The following UPF2 variants were observed in gnomAD, a reference collection of about 807,000 sequenced individuals.
The protein encoded by UPF2 is UPF2 regulator of nonsense mediated mRNA decay.
A neutral mutation model predicts 141.4 loss-of-function variants in UPF2; 17 were observed. The ratio of observed to expected loss-of-function variants is 0.12; its 90% CI spans 0.08 to 0.18. UPF2 has a LOEUF of 0.18. Ranked by LOEUF, UPF2 falls within the 10% of genes least tolerant of loss-of-function variation. The probability of loss-of-function intolerance (pLI) is 1.00; values close to 1 mark genes in which losing one functional copy is unlikely to be tolerated. For missense variants in UPF2, 1,152 were observed against 1,515.9 expected (o/e 0.76, Z 3.99); for synonymous variants, 540 against 498.0 (o/e 1.08, Z -1.12).
rs1441067263 is a variant in UPF2 at position 12,035,142 on chromosome 10, T to G, written c.282A>C (p.Lys94Asn). ...TTCTCTCTTCCTCTTGATGTTTCTT[T>G]TTTTCTTCCTCTTCTTTTTTCTTTG... ...EESKKKEEEE[K>N]KKHQEEERKK... Residue 94 changes from lysine (K) to asparagine (N), a missense_variant, in exon 2 of 22, where the codon AAA becomes AAC. By Grantham distance (94) the Lys-to-Asn change is moderately conservative. Coordinates refer to ENST00000357604, the MANE Select transcript of UPF2 (RefSeq NM_015542.4). 2 of 1,600,868 alleles carry G rather than the reference T, an allele frequency of 1.2e-6. No individual in the cohort carries two copies. The highest frequency in any genetic ancestry group is 2.3e-5 in the South Asian group (2 of 87,052).
chr10:12,042,647 G>GA lies in UPF2; in HGVS notation c.-19+107dup, dbSNP rs1426764756. 2 of 152,458 alleles carry GA rather than the reference G, an allele frequency of 1.3e-5. No homozygotes were observed. The highest frequency in any genetic ancestry group is 4.8e-5 in the African/African-American group (2 of 41,464). The allele number at this position is 152,458 out of a possible 1,614,324, so 9.4% of individuals were successfully genotyped here. ...GCCGACCCCGGAGAGCTGGAGTGTG[G>GA]AGTCGCCTCTGGGGTCCCCCAGGGA... On this transcript the variant is annotated intron_variant, in intron 1 of 21. Transcript: ENST00000357604. This position sits in a 1 kb window ranked among gnomAD's most constrained non-coding sequence, Gnocchi z 5.5.
Position 11,935,674 on chromosome 10 carries a change from A to G in UPF2, c.3546+871T>C, listed in dbSNP as rs1400484889. Among the ~76,000 whole-genome samples, 1 of 152,160 alleles carries G rather than the reference A, an allele frequency of 6.6e-6. No homozygotes were observed. Among genetic ancestry groups the G allele is most frequent in the Non-Finnish European group, 1.5e-5 (1 of 68,016 alleles). ...ATACCATGTTTCACTATCTGCAAAT[A>G]TGTGCGTTTGTCTCTCTGCTCTCTC... On this transcript the variant is annotated intron_variant, in intron 19 of 21. Transcript: ENST00000357604. This position sits in a 1 kb window ranked among gnomAD's most constrained non-coding sequence, Gnocchi z 4.9.
chr10:11,991,291 G>A (rs1452835440), intron 8 of UPF2, among the ~76,000 whole-genome samples: 2 of 152,116 alleles, frequency 1.3e-5, no homozygotes, highest in Non-Finnish European at 2.9e-5. Context: ...TTTGCAGAAT[G>A]TTGAGTAAGA....
chr10:11,923,976 A>G (rs1452215620), intron 21 of UPF2, among the ~76,000 whole-genome samples: 4 of 152,248 alleles, frequency 2.6e-5, no homozygotes, highest in African/African-American at 4.8e-5. Flanking sequence ...AAGTTTGAGA[A>G]GCATTGAAAT....
intron 19 of UPF2, among the ~76,000 whole-genome samples, chr10:11,934,088 G>C (rs1180625529): frequency 6.6e-6 from 1 of 152,138 alleles, no homozygotes; most frequent in Non-Finnish European, 1.5e-5. Context: ...CGGTGATGGG[G>C]GGAATGGAGG....
At chr10:12,001,640 CAATTAAA>C in intron 6 of UPF2, 29 bp downstream of exon 6, 1 of 1,562,572 alleles carries the variant, frequency 6.4e-7, no homozygotes, top group Non-Finnish European at 8.6e-7. Context: ...GTGTAAAAAC[CAATTAAA>C]AATGAAAGTT....
In UPF2 at chr10:11,948,309, A is replaced by G. The variant is rs1347758782; in HGVS notation, c.3174+60T>C. 1.3e-5 allele frequency: 19 copies of G among 1,483,502 alleles called. No individual in the cohort carries two copies. The East Asian group carries it at 4.0e-4, about 31-fold the overall frequency. 91.9% of individuals were successfully genotyped at this position (1,483,502 alleles called of 1,614,324 possible). Reference sequence around the variant, plus strand: ...TTATGTATTAAAAAAATTTTGGCTCATATAATCAAAATACTCTTATACAAA... The same window carrying G: ...TTATGTATTAAAAAAATTTTGGCTCGTATAATCAAAATACTCTTATACAAA... On this transcript the variant is annotated intron_variant, in intron 16 of 21. Transcript: ENST00000357604.
chr10:11,946,245 C>T (rs1486295197), intron 16 of UPF2, among the ~76,000 whole-genome samples: 1 of 152,064 alleles, frequency 6.6e-6, no homozygotes, highest in Non-Finnish European at 1.5e-5. Context: ...TCCAAATTTC[C>T]AATAAGTTAC....
rs370232096 is a variant in UPF2, at chr10:11,931,826, T to C, written c.3547-44A>G. 133 of 1,562,706 alleles carry C rather than the reference T, an allele frequency of 8.5e-5. No individual in the cohort carries two copies. The African/African-American group carries it at 1.8e-3, about 21-fold the overall frequency. On this transcript the variant is annotated intron_variant, in intron 19 of 21. Coordinates refer to ENST00000357604, the MANE Select transcript of UPF2 (RefSeq NM_015542.4). The surrounding 1 kb of genome is among the most constrained non-coding windows in gnomAD (Gnocchi z 5.9). ...GGAGTTACAAATAGTTTGAGAACAC[T>C]GAGAGAAAGAAAAAACAGACTTCAA...
chr10:12,009,499 T>C (rs1003745308), intron 4 of UPF2, among the ~76,000 whole-genome samples: 2 of 152,210 alleles, frequency 1.3e-5, no homozygotes, highest in East Asian at 3.8e-4. Context: ...TGAAGTACTA[T>C]ATCAGTGACC....
chr10:11,942,789 AG>A (rs1424444078), intron 17 of UPF2, 26 bp from the exon 18 acceptor site: 2 of 1,602,834 alleles, frequency 1.2e-6, no homozygotes, highest in African/African-American at 2.7e-5. Flanking sequence ...CAACAAAATC[AG>A]ACCAGAAATT....
chr10:11,987,828 TC>T (rs1440090442), intron 8 of UPF2, among the ~76,000 whole-genome samples: 23 of 151,256 alleles, frequency 1.5e-4, no homozygotes, highest in Non-Finnish European at 2.7e-4. Context: ...AGATTTTTTT[TC>T]ATCATTATTT....
chr10:12,026,637 TC>T (rs747080583), intron 3 of UPF2: 12 of 450,552 alleles, frequency 2.7e-5, no homozygotes, highest in South Asian at 1.9e-4. Flanking sequence ...CACTGAAAAT[TC>T]CTATAAACTT....
intron 18 of UPF2, among the ~76,000 whole-genome samples, chr10:11,938,436 G>A (rs1318482431): frequency 1.3e-5 from 2 of 152,062 alleles, no homozygotes; most frequent in African/African-American, 2.4e-5. Flanking sequence ...AAGCCCATTC[G>A]ACAGGTTTAC....
Position 11,931,874 on chromosome 10 carries a change from G to C in UPF2, c.3547-92C>G. ...CAAATAAAATAGCAAGTACAGGCTG[G>C]GCACGGTGGCTCACGCCTGTAATCC... is the stretch of plus-strand genomic sequence containing the variant. On this transcript the variant is annotated intron_variant, in intron 19 of 21. Coordinates refer to ENST00000357604, the MANE Select transcript of UPF2 (RefSeq NM_015542.4). This position sits in a 1 kb window ranked among gnomAD's most constrained non-coding sequence, Gnocchi z 5.9. The C allele has an allele frequency of 3.5e-6, 5 of 1,418,848 alleles. No homozygotes were observed. The highest frequency in any genetic ancestry group is 2.8e-6 in the Non-Finnish European group (3 of 1,056,582). The allele number at this position is 1,418,848 out of a possible 1,614,324, so 87.9% of individuals were successfully genotyped here.
intron 8 of UPF2, among the ~76,000 whole-genome samples, chr10:11,981,711 C>T (rs1394461365): frequency 1.3e-5 from 2 of 151,968 alleles, no homozygotes; most frequent in Admixed American, 6.6e-5. Context: ...GACGGAGTCT[C>T]GCTCTGTCGC....
intron 15 of UPF2, among the ~76,000 whole-genome samples, chr10:11,950,779 G>T (rs1833063301): frequency 6.6e-6 from 1 of 152,170 alleles, no homozygotes; most frequent in South Asian, 2.1e-4. Context: ...ATTTCAAAAG[G>T]AAAAGAAAGT....
Position 12,035,178 on chromosome 10 carries a change from T to C in UPF2, c.246A>G (p.Ala82=). 1.2e-6 allele frequency: 2 copies of C among 1,612,190 alleles called. No individual in the cohort carries two copies. Among genetic ancestry groups the C allele is most frequent in the Non-Finnish European group, 8.5e-7 (1 of 1,179,746 alleles). The stretch of plus-strand genomic sequence containing the variant: ...CTTCTTTTTTCTTTGATTCTTCCTC[T>C]GCCTTCACCTTTTCTTCGTCTTTTT... ...RKKKDEEKVK[A]EEESKKKEEE... The change falls in exon 2 of 22, where the codon GCA becomes GCG. Residue 82 remains alanine, a synonymous_variant. Transcript: ENST00000357604.
chr10:11,966,117 G>C (rs1833315777), intron 10 of UPF2, among the ~76,000 whole-genome samples: 1 of 152,030 alleles, frequency 6.6e-6, no homozygotes. Context: ...GACTGATTTT[G>C]GTAAATAATC....
Sources: gnomAD v4.1 joint callset for allele counts (sites outside exome capture counted in the v4.1 genomes callset) on GRCh38, gnomAD v4.1.1 for gene constraint, Gnocchi (gnomAD v3.1) non-coding constraint, MANE v1.5 for transcripts, NCBI Gene and HGNC (gene_info 2026-07-23, HGNC 2026-07-21) for gene names.